Variants in ACOXL observed in about 807,000 individuals in gnomAD.
The protein encoded by ACOXL is acyl-coenzyme A oxidase-like protein.
A neutral mutation model predicts 71.9 loss-of-function variants in ACOXL; 70 were observed. The observed-to-expected ratio is 0.97, with a 90% CI of 0.80 to 1.19. The LOEUF is 1.19. Ranked by LOEUF, ACOXL falls within the 50% of genes most tolerant of loss-of-function variation. The pLI, the probability that ACOXL is intolerant of heterozygous loss-of-function variation, is 0.00. For missense variants in ACOXL, 703 were observed against 736.3 expected (o/e 0.95, Z 0.52); for synonymous variants, 253 against 281.6 (o/e 0.90, Z 1.02).
chr2:110,798,563 A>G (rs997758648), intron 5 of ACOXL, 47 bp from the exon 6 acceptor site: 2 of 1,506,326 alleles, frequency 1.3e-6, no homozygotes, highest in Non-Finnish European at 1.8e-6. Context: ...GGGAGTTGAA[A>G]TGAGCCATGG....
chr2:110,993,060 C>T (rs1391581669), intron 13 of ACOXL, among the ~76,000 whole-genome samples: 2 of 152,156 alleles, frequency 1.3e-5, no homozygotes, highest in African/African-American at 4.8e-5. Context: ...CTTTTTGATC[C>T]ATTTCAAAAT....
intron 16 of ACOXL, among the ~76,000 whole-genome samples, chr2:111,086,049 G>A (rs1234042721): frequency 6.6e-6 from 1 of 152,092 alleles, no homozygotes; most frequent in Non-Finnish European, 1.5e-5. Context: ...CCAATAATGA[G>A]CTCCAAAATT....
intron 1 of ACOXL, among the ~76,000 whole-genome samples, chr2:110,751,169 C>T (rs963451666): frequency 3.3e-5 from 5 of 151,828 alleles, no homozygotes; most frequent in African/African-American, 7.2e-5. Context: ...GGCATTGTAG[C>T]GGGTGCCTGT....
rs1018590876 is a variant in ACOXL, at chr2:111,086,329, A to T, written c.1441-6536A>T. 2.0e-5 allele frequency among the ~76,000 whole-genome samples: 3 copies of T among 152,240 alleles called. 1 individual carries two copies. Among genetic ancestry groups the T allele is most frequent in the Middle Eastern group, 6.3e-3 (2 of 316 alleles). On this transcript the variant is annotated intron_variant, in intron 16 of 17. Transcript: ENST00000439055. ...AAAAATACTCAACAAAATCTTAGCA[A>T]ATCAAATCCAGCAGCATGTAAAAAG...
At chr2:110,867,247 T>C (rs893375393) in intron 10 of ACOXL, among the ~76,000 whole-genome samples, 11 of 152,164 alleles carry the variant, frequency 7.2e-5, no homozygotes, top group African/African-American at 2.4e-4. Context: ...CTTCTGTCTC[T>C]AGCAGATGTC....
At chr2:111,110,811 C>A (rs1444219657) in intron 17 of ACOXL, among the ~76,000 whole-genome samples, 1 of 152,182 alleles carries the variant, frequency 6.6e-6, no homozygotes, top group African/African-American at 2.4e-5. Flanking sequence ...CAGTTTGTAA[C>A]CATGGAGCAA....
intron 17 of ACOXL, among the ~76,000 whole-genome samples, chr2:111,115,177 C>T (rs1399988194): frequency 6.6e-6 from 1 of 152,046 alleles, no homozygotes; most frequent in Non-Finnish European, 1.5e-5. Context: ...GTACTTTGTC[C>T]AGCATAAATG....
rs80225409 is a variant in ACOXL at position 111,112,368 on chromosome 2, A to G, written c.1543-5248A>G. On this transcript the variant is annotated intron_variant, in intron 17 of 17. Transcript: ENST00000439055. Reference sequence around the variant, plus strand: ...CAGGAATGGAGCTCCCCTTTCTAGTAGTTGTTGGGTAAATTGAGAGAAGTA... The same window carrying G: ...CAGGAATGGAGCTCCCCTTTCTAGTGGTTGTTGGGTAAATTGAGAGAAGTA... Among the ~76,000 whole-genome samples the G allele has an allele frequency of 1.9e-3, 284 of 152,298 alleles. 12 individuals are homozygous for G. In the East Asian group the frequency reaches 0.046, roughly 25 times the overall value.
intron 9 of ACOXL, among the ~76,000 whole-genome samples, chr2:110,825,617 C>G (rs1324107624): frequency 6.6e-6 from 1 of 152,056 alleles, no homozygotes; most frequent in Non-Finnish European, 1.5e-5. Context: ...ATGAATCAAA[C>G]AGGGGATTTC....
At chr2:110,755,154 G>A (rs1371223180) in intron 1 of ACOXL, among the ~76,000 whole-genome samples, 3 of 152,102 alleles carry the variant, frequency 2.0e-5, no homozygotes, top group Non-Finnish European at 4.4e-5. Flanking sequence ...GGAGCTGCTG[G>A]CCAGAGCTAG....
chr2:110,879,309 G>A (rs984959906), intron 10 of ACOXL, among the ~76,000 whole-genome samples: 4 of 152,194 alleles, frequency 2.6e-5, no homozygotes, highest in African/African-American at 4.8e-5. Flanking sequence ...ACAGCAGCTG[G>A]ACTGAGAGGC....
chr2:110,839,899 G>A (rs1028909944), intron 9 of ACOXL, among the ~76,000 whole-genome samples: 2 of 152,152 alleles, frequency 1.3e-5, no homozygotes, highest in African/African-American at 4.8e-5. Flanking sequence ...AACCATAAGT[G>A]ATGTTTGGGG....
chr2:110,869,946 C>T (rs369809007), intron 10 of ACOXL, among the ~76,000 whole-genome samples: 1 of 152,228 alleles, frequency 6.6e-6, no homozygotes, highest in Non-Finnish European at 1.5e-5. Context: ...CTGCTCAGGG[C>T]CACCTTCAGG....
chr2:110,818,113 G>A (rs1688132730), intron 9 of ACOXL, among the ~76,000 whole-genome samples: 1 of 151,970 alleles, frequency 6.6e-6, no homozygotes, highest in Non-Finnish European at 1.5e-5. Flanking sequence ...AAGTATACTT[G>A]GCCGGGTGCA....
At chr2:110,844,960 C>T (rs549655567) in intron 10 of ACOXL, among the ~76,000 whole-genome samples, 27 of 152,242 alleles carry the variant, frequency 1.8e-4, no homozygotes, top group African/African-American at 6.5e-4. Context: ...CTTTAAAAAT[C>T]CTATTTGCTT....
At chr2:110,902,307 T>C (rs1225407209) in intron 10 of ACOXL, among the ~76,000 whole-genome samples, 4 of 151,890 alleles carry the variant, frequency 2.6e-5, no homozygotes, top group Admixed American at 6.6e-5. Flanking sequence ...CAGTCTCTAC[T>C]AAAATTACAA....
chr2:110,756,291 T>C (rs1006365658), intron 1 of ACOXL, among the ~76,000 whole-genome samples: 7 of 152,144 alleles, frequency 4.6e-5, no homozygotes, highest in Non-Finnish European at 1.0e-4. Flanking sequence ...CACGCTCGGC[T>C]AATTTTTTTC....
At chr2:110,816,135 GGATA>G (rs1156679663) in intron 9 of ACOXL, among the ~76,000 whole-genome samples, 1 of 151,918 alleles carries the variant, frequency 6.6e-6, no homozygotes, top group Non-Finnish European at 1.5e-5. Flanking sequence ...ATGAATGGAT[GGATA>G]GACAGATGTA....
At chr2:110,905,234 G>T (rs960730427) in intron 10 of ACOXL, among the ~76,000 whole-genome samples, 1 of 152,030 alleles carries the variant, frequency 6.6e-6, no homozygotes, top group Non-Finnish European at 1.5e-5. Flanking sequence ...GAGAATCAGA[G>T]AAGTCTCAAT....
Sources: gnomAD v4.1 joint callset for allele counts (sites outside exome capture counted in the v4.1 genomes callset) on GRCh38, gnomAD v4.1.1 for gene constraint, MANE v1.5 for transcripts, NCBI Gene and HGNC (gene_info 2026-07-23, HGNC 2026-07-21) for gene names.